Variants in ANOS1 observed in about 807,000 individuals in gnomAD.
ANOS1 encodes anosmin-1.
In ANOS1, 6 loss-of-function variants were observed where a neutral mutation model predicts 59.0. That is an observed-to-expected ratio of 0.10 (90% confidence interval 0.06 to 0.20). ANOS1 has a LOEUF of 0.20. Ranked by LOEUF, ANOS1 falls within the 10% of genes least tolerant of loss-of-function variation. The probability of loss-of-function intolerance (pLI) is 1.00; values close to 1 mark genes in which losing one functional copy is unlikely to be tolerated. For synonymous variants in ANOS1, 217 were observed against 223.4 expected, an observed-to-expected ratio of 0.97 and a Z score of 0.25; for missense variants, 433 against 542.3, an observed-to-expected ratio of 0.80 and a Z score of 2.00.
At chrX:8,713,977 T>C (rs987964187) in intron 1 of ANOS1, among the ~76,000 whole-genome samples, 1 of 112,181 alleles carries the variant, frequency 8.9e-6, no homozygotes, top group Non-Finnish European at 1.9e-5. Context: ...TATTCAGCTC[T>C]TACAGGTATC....
intron 5 of ANOS1, among the ~76,000 whole-genome samples, chrX:8,587,216 G>A (rs1158337422): frequency 9.0e-6 from 1 of 111,252 alleles, no homozygotes; most frequent in Non-Finnish European, 1.9e-5. Context: ...CAACAAGACA[G>A]AAGAGGAGGA....
intron 7 of ANOS1, among the ~76,000 whole-genome samples, chrX:8,569,500 G>C (rs966705455): frequency 9.0e-6 from 1 of 111,418 alleles, no homozygotes; most frequent in Non-Finnish European, 1.9e-5. Context: ...AAATTAGCTG[G>C]GTGTGGTGGC....
At chrX:8,577,207 C>T (rs958604645) in intron 6 of ANOS1, among the ~76,000 whole-genome samples, 2 of 111,814 alleles carry the variant, frequency 1.8e-5, no homozygotes, top group Admixed American at 9.5e-5. Flanking sequence ...CATACAGCTG[C>T]ATTTTGTCTA....
intron 3 of ANOS1, among the ~76,000 whole-genome samples, chrX:8,605,880 C>T (rs1331021248): frequency 9.1e-6 from 1 of 109,294 alleles, no homozygotes; most frequent in Non-Finnish European, 1.9e-5. Context: ...ATAATTGCTA[C>T]CAAATGTCTC....
rs902492952 is a variant in ANOS1 at position 8,638,930 on chromosome X, A to G, written c.256-15260T>C. On this transcript the variant is annotated intron_variant, in intron 2 of 13. Coordinates refer to ENST00000262648, the MANE Select transcript of ANOS1 (RefSeq NM_000216.4). ...TAGCAGGCTTTATGTAGACCAGTAG[A>G]ACAAAGAAAAGAAAATGATTCTTAT... 2.1e-4 allele frequency among the ~76,000 whole-genome samples: 23 copies of G among 111,315 alleles called. 1 individual carries two copies. Among genetic ancestry groups the G allele is most frequent in the African/African-American group, 7.5e-4 (23 of 30,662 alleles).
chrX:8,547,324 A>T (rs915109382), intron 9 of ANOS1, among the ~76,000 whole-genome samples: 3 of 111,544 alleles, frequency 2.7e-5, no homozygotes, highest in Non-Finnish European at 5.6e-5. Flanking sequence ...CCAATACTTG[A>T]CATTCCCGAT....
chrX:8,667,186 C>G (rs929935053), intron 2 of ANOS1, among the ~76,000 whole-genome samples: 4 of 111,647 alleles, frequency 3.6e-5, no homozygotes, highest in African/African-American at 1.3e-4. Flanking sequence ...ACATTCAAGT[C>G]TAAAAAGTGG....
chrX:8,658,932 A>C (rs112989806), intron 2 of ANOS1, among the ~76,000 whole-genome samples: 21 of 111,217 alleles, frequency 1.9e-4, no homozygotes, highest in African/African-American at 6.9e-4. Flanking sequence ...TACAGAAATA[A>C]AAAATTAGCA....
intron 2 of ANOS1, 123 bp downstream of exon 2, chrX:8,699,575 A>G: frequency 8.8e-6 from 4 of 455,048 alleles, no homozygotes; most frequent in Non-Finnish European, 1.5e-5. Context: ...CTTAAAGTGT[A>G]ACCATTGGTG....
chrX:8,587,935 C>A lies in ANOS1; in HGVS notation c.585G>T (p.Leu195=), dbSNP rs747828250. The part of the protein sequence containing the change: ...KPRKELRFTE[L]QSGQLEVKWS... ...ACTTAACCTCCAGCTGTCCAGACTG[C>A]AGTTCTGTAAATCGTAACTCTTTTC... Residue 195 remains leucine, a synonymous_variant, in exon 5 of 14, where the codon CTG becomes CTT. Coordinates refer to ENST00000262648, the MANE Select transcript of ANOS1 (RefSeq NM_000216.4). 5.8e-6 allele frequency: 7 copies of A among 1,208,146 alleles called. No individual in the cohort carries two copies. The highest frequency in any genetic ancestry group is 2.3e-4 in the Middle Eastern group (1 of 4,365).
chrX:8,631,926 G>T (rs1437875523), intron 2 of ANOS1, among the ~76,000 whole-genome samples: 1 of 112,245 alleles, frequency 8.9e-6, no homozygotes, highest in Admixed American at 9.4e-5. Context: ...CTTAGAGGAT[G>T]TAAGCATTTG....
At chrX:8,720,434 T>C (rs1932867182) in intron 1 of ANOS1, among the ~76,000 whole-genome samples, 1 of 111,598 alleles carries the variant, frequency 9.0e-6, no homozygotes, top group African/African-American at 3.3e-5. Context: ...AAAAAAGCAA[T>C]TGACAAAAAC....
chrX:8,693,040 G>T (rs1346308003), intron 2 of ANOS1, among the ~76,000 whole-genome samples: 4 of 112,383 alleles, frequency 3.6e-5, no homozygotes, highest in African/African-American at 1.3e-4. Context: ...ACAATATTTT[G>T]ACTCTGTGCT....
intron 2 of ANOS1, among the ~76,000 whole-genome samples, chrX:8,648,455 C>T (rs1170656031): frequency 1.9e-4 from 14 of 75,493 alleles, no homozygotes; most frequent in Non-Finnish European, 2.6e-4. Flanking sequence ...GGCAAAATTC[C>T]GTCAAAAAAA....
chrX:8,594,769 T>A (rs1272085612), intron 4 of ANOS1, among the ~76,000 whole-genome samples: 3 of 92,613 alleles, frequency 3.2e-5, no homozygotes, highest in Non-Finnish European at 4.2e-5. Flanking sequence ...TATATATATT[T>A]TTTTTTTGCA....
intron 3 of ANOS1, among the ~76,000 whole-genome samples, chrX:8,603,744 A>C (rs1198168801): frequency 8.9e-6 from 1 of 112,503 alleles, no homozygotes; most frequent in East Asian, 2.8e-4. Flanking sequence ...GTTCAATTCA[A>C]CAGACTTGTA....
chrX:8,718,209 G>T (rs1185472502), intron 1 of ANOS1, among the ~76,000 whole-genome samples: 2 of 111,580 alleles, frequency 1.8e-5, no homozygotes, highest in Non-Finnish European at 1.9e-5. Context: ...TGACTTTTCT[G>T]TTTTGAGGAC....
rs1204252177 is a variant in ANOS1, at chrX:8,679,062, C to CT, written c.255+20635dup. ...CACCCAAAGAGAGCAAAGTAAACAA[C>CT]TTTAATTACAAAACAGAAACTGTCA... is the stretch of plus-strand genomic sequence containing the variant. On this transcript the variant is annotated intron_variant, in intron 2 of 13. Coordinates refer to ENST00000262648, the MANE Select transcript of ANOS1 (RefSeq NM_000216.4). Among the ~76,000 whole-genome samples the CT allele has an allele frequency of 4.5e-5, 5 of 111,306 alleles. No individual in the cohort carries two copies. In the East Asian group the frequency reaches 1.4e-3, roughly 32 times the overall value.
intron 2 of ANOS1, among the ~76,000 whole-genome samples, chrX:8,650,442 C>T (rs1212872568): frequency 8.9e-6 from 1 of 112,012 alleles, no homozygotes; most frequent in African/African-American, 3.2e-5. Context: ...TGAAGATATC[C>T]TACTATAAAA....
Sources: gnomAD v4.1 joint callset for allele counts (sites outside exome capture counted in the v4.1 genomes callset) on GRCh38, gnomAD v4.1.1 for gene constraint, MANE v1.5 for transcripts, NCBI Gene and HGNC (gene_info 2026-07-23, HGNC 2026-07-21) for gene names.